ASB5: variants seen among roughly 807,000 people sequenced by gnomAD.
ASB5 encodes ankyrin repeat and SOCS box containing 5, also known as ankyrin repeat and SOCS box protein 5.
A neutral mutation model predicts 42.1 loss-of-function variants in ASB5; 45 were observed. That is an observed-to-expected ratio of 1.07 (90% CI 0.84 to 1.37). The LOEUF is 1.37. ASB5 is among the 40% of genes most tolerant of loss of function. The pLI is 0.00. For missense variants in ASB5, 402 were observed against 399.8 expected, an observed-to-expected ratio of 1.01 and a Z score of -0.05; for synonymous variants, 147 against 150.6, an observed-to-expected ratio of 0.98 and a Z score of 0.18.
At chr4:176,236,223 C>A (rs191655958) in intron 1 of ASB5, among the ~76,000 whole-genome samples, 1 of 151,594 alleles carries the variant, frequency 6.6e-6, no homozygotes, top group Non-Finnish European at 1.5e-5. Flanking sequence ...CTAATGCCTG[C>A]GGTTTAGTGC....
At chr4:176,232,802 T>C (rs1461258007) in intron 1 of ASB5, among the ~76,000 whole-genome samples, 1 of 152,208 alleles carries the variant, frequency 6.6e-6, no homozygotes, top group Non-Finnish European at 1.5e-5. Context: ...ACTTCTCTAT[T>C]GGTTTAAACA....
At chr4:176,250,009 G>A (rs1753999080) in intron 1 of ASB5, among the ~76,000 whole-genome samples, 1 of 148,352 alleles carries the variant, frequency 6.7e-6, no homozygotes, top group South Asian at 2.1e-4. Flanking sequence ...AGCTTGCAGT[G>A]AGCCGAGATC....
chr4:176,250,639 A>G (rs1754014452), intron 1 of ASB5, among the ~76,000 whole-genome samples: 2 of 152,254 alleles, frequency 1.3e-5, no homozygotes, highest in African/African-American at 2.4e-5. Flanking sequence ...AAAGCGGCTC[A>G]TAGGGCTATC....
upstream of ASB5, among the ~76,000 whole-genome samples, chr4:176,272,853 T>C: frequency 6.6e-6 from 1 of 152,010 alleles, no homozygotes; most frequent in South Asian, 2.1e-4. Flanking sequence ...AAAATATCAA[T>C]GGGTTATAAT....
At position 176,213,985 on chromosome 4, in the gene ASB5, A is replaced by T. The variant is rs974801740; in HGVS notation, c.*1615T>A. ...TTTAACCAGGTTATTCTATAATAAG[A>T]ACTCCATTTTAATGCACGTTATCCA... On this transcript the variant is annotated 3_prime_UTR_variant, in exon 7 of 7. Transcript: ENST00000296525. 5 of 152,144 alleles carry T rather than the reference A, an allele frequency of 3.3e-5. No homozygotes were observed. Among genetic ancestry groups the T allele is most frequent in the Non-Finnish European group, 7.4e-5 (5 of 67,994 alleles). 9.4% of individuals were successfully genotyped at this position (152,144 alleles called of 1,614,324 possible).
rs1752953219 is a variant in ASB5 at position 176,215,848 on chromosome 4, C to A, written c.863-121G>T. 1.1e-5 allele frequency: 9 copies of A among 853,962 alleles called. No homozygotes were observed. The South Asian group carries it at 1.5e-4, about 14-fold the overall frequency. 52.9% of individuals were successfully genotyped at this position (853,962 alleles called of 1,614,324 possible). On this transcript the variant is annotated intron_variant, in intron 6 of 6. Coordinates refer to ENST00000296525, the MANE Select transcript of ASB5 (RefSeq NM_080874.4). ...TTGTAGTAAACCTAGGATAGCATGACCACTATACTAGGGAAATTTATGTAA... is the reference window on the plus strand; with the variant it reads ...TTGTAGTAAACCTAGGATAGCATGAACACTATACTAGGGAAATTTATGTAA...
At chr4:176,221,023 T>C (rs528294394) in intron 5 of ASB5, 132 bp downstream of exon 5, 2 of 1,171,470 alleles carry the variant, frequency 1.7e-6, no homozygotes, top group Admixed American at 3.3e-5. Flanking sequence ...TGGTTCTCTA[T>C]TCATGTGTGA....
upstream of ASB5, among the ~76,000 whole-genome samples, chr4:176,272,553 C>T (rs1754488269): frequency 6.6e-6 from 1 of 152,140 alleles, no homozygotes; most frequent in African/African-American, 2.4e-5. Flanking sequence ...TTCTCACCTC[C>T]ATGCAGGTAT....
chr4:176,273,455 C>T (rs961232312), upstream of ASB5, among the ~76,000 whole-genome samples: 1 of 151,138 alleles, frequency 6.6e-6, no homozygotes, highest in African/African-American at 2.4e-5. Context: ...TGTGAAATCT[C>T]GTGAGAAAAA....
chr4:176,262,701 G>C (rs1181962782), intron 1 of ASB5, among the ~76,000 whole-genome samples: 1 of 152,082 alleles, frequency 6.6e-6, no homozygotes, highest in African/African-American at 2.4e-5. Context: ...AGTTTCTATA[G>C]TTTATCCTTA....
chr4:176,231,182 C>T (rs922784146), intron 1 of ASB5, among the ~76,000 whole-genome samples: 5 of 151,842 alleles, frequency 3.3e-5, no homozygotes, highest in Admixed American at 6.6e-5. Flanking sequence ...CATCTCCCCA[C>T]GGCACTTCAC....
At chr4:176,218,036 A>C (rs571962580) in intron 5 of ASB5, among the ~76,000 whole-genome samples, 1 of 150,800 alleles carries the variant, frequency 6.6e-6, no homozygotes, top group African/African-American at 2.4e-5. Flanking sequence ...TTCCATAAAG[A>C]AAGCATAAAC....
In ASB5 at chr4:176,236,234, A is replaced by G. The variant is rs541263696; in HGVS notation, c.197-10893T>C. On this transcript the variant is annotated intron_variant, in intron 1 of 6. Coordinates refer to ENST00000296525, the MANE Select transcript of ASB5 (RefSeq NM_080874.4). ...GTTGCTAATGCCTGCGGTTTAGTGC[A>G]TAGTTAGGTAACTTACCCTTCATTT... is the stretch of plus-strand genomic sequence containing the variant. Among the ~76,000 whole-genome samples the G allele has an allele frequency of 2.0e-5, 3 of 152,020 alleles. No homozygotes were observed. The South Asian group carries it at 6.2e-4, about 31-fold the overall frequency.
intron 6 of ASB5, among the ~76,000 whole-genome samples, chr4:176,216,063 T>C (rs1178160553): frequency 6.6e-6 from 1 of 152,058 alleles, no homozygotes; most frequent in Non-Finnish European, 1.5e-5. Flanking sequence ...AAAGGGGAAA[T>C]TTTAAAATTA....
intron 1 of ASB5, among the ~76,000 whole-genome samples, chr4:176,227,329 A>T (rs1286173553): frequency 6.6e-6 from 1 of 152,208 alleles, no homozygotes; most frequent in Non-Finnish European, 1.5e-5. Context: ...GTCAACAGAG[A>T]GAAGAGAGAC....
intron 6 of ASB5, 86 bp from the exon 7 acceptor site, chr4:176,215,813 C>T: frequency 1.5e-6 from 2 of 1,337,390 alleles, no homozygotes; most frequent in Admixed American, 5.1e-5. Flanking sequence ...ACCATAAAAA[C>T]TACAATGCTT....
At chr4:176,224,342 C>T (rs1431181938) in intron 2 of ASB5, among the ~76,000 whole-genome samples, 6 of 139,228 alleles carry the variant, frequency 4.3e-5, no homozygotes, top group Non-Finnish European at 7.5e-5. Flanking sequence ...TCAATTGATT[C>T]TCCTGCCTCA....
chr4:176,241,559 C>T (rs929325717), intron 1 of ASB5: 15 of 1,518,694 alleles, frequency 9.9e-6, no homozygotes, highest in African/African-American at 5.6e-5. Context: ...TTTACAAGGC[C>T]GTGCCCTCAT....
intron 1 of ASB5, among the ~76,000 whole-genome samples, chr4:176,254,700 C>T (rs1276688260): frequency 6.6e-6 from 1 of 152,082 alleles, no homozygotes; most frequent in African/African-American, 2.4e-5. Flanking sequence ...CTTAATTCAA[C>T]AAGCAAAAAA....
Sources: gnomAD v4.1 joint callset for allele counts (sites outside exome capture counted in the v4.1 genomes callset) on GRCh38, gnomAD v4.1.1 for gene constraint, MANE v1.5 for transcripts, NCBI Gene and HGNC (gene_info 2026-07-23, HGNC 2026-07-21) for gene names.